The following PLXNA2 variants were observed in gnomAD, a reference collection of about 807,000 sequenced individuals.
PLXNA2 encodes the protein plexin A2.
Under a neutral mutation model 193.5 loss-of-function variants are expected in PLXNA2, and 91 were observed. The ratio of observed to expected loss-of-function variants is 0.47; its 90% CI spans 0.40 to 0.56. The LOEUF (loss-of-function observed/expected upper bound fraction) is 0.56. Among genes scored for constraint, PLXNA2 ranks in the 20% least tolerant of loss-of-function variants. The pLI, the probability that PLXNA2 is intolerant of heterozygous loss-of-function variation, is 0.00. For missense variants in PLXNA2, 1,995 were observed against 2,503.2 expected, an observed-to-expected ratio of 0.80 and a Z score of 4.33; for synonymous variants, 997 against 1,027.3, an observed-to-expected ratio of 0.97 and a Z score of 0.56.
rs146570184 is a variant in PLXNA2, at chr1:208,033,423, C to T, written c.4951G>A (p.Val1651Met). Residue 1651 changes from valine to methionine, a missense_variant, in exon 28 of 32, where the codon GTG becomes ATG. Transcript: ENST00000367033. ...TCATGGTTCTTCACCAGATGCCACACCTTGACCCCACTTTCCAGGTCTGGG... is the reference window on the plus strand; with the variant it reads ...TCATGGTTCTTCACCAGATGCCACATCTTGACCCCACTTTCCAGGTCTGGG... ...ITPDLESGVK[V>M]WHLVKNHDHG... 992 of 1,614,174 alleles carry T rather than the reference C, an allele frequency of 6.1e-4. 7 individuals are homozygous for T. In the Admixed American group the frequency reaches 0.015, roughly 25 times the overall value.
Position 208,040,623 on chromosome 1 carries a change from C to G in PLXNA2, c.4287-565G>C, listed in dbSNP as rs138456808. Among the ~76,000 whole-genome samples, 366 of 152,344 alleles carry G rather than the reference C, an allele frequency of 2.4e-3. 3 individuals carry two copies. Among genetic ancestry groups the G allele is most frequent in the African/African-American group, 8.5e-3 (354 of 41,566 alleles). On this transcript the variant is annotated intron_variant, in intron 22 of 31. Transcript: ENST00000367033. ...ACCTCTCTGGTTTCAGTATTCCTAT[C>G]ACTAAATGGAGACAGTCATAATAAC...
At chr1:208,075,661 T>G (rs1419530006) in intron 12 of PLXNA2, among the ~76,000 whole-genome samples, 2 of 152,254 alleles carry the variant, frequency 1.3e-5, no homozygotes, top group South Asian at 4.1e-4. Context: ...AATTATTACT[T>G]GTGTACTGTG....
At chr1:208,090,062 C>T (rs1435407683) in intron 9 of PLXNA2, among the ~76,000 whole-genome samples, 3 of 152,174 alleles carry the variant, frequency 2.0e-5, no homozygotes, top group Non-Finnish European at 4.4e-5. Context: ...AGAGCCAAAG[C>T]AGTATTTTAG....
chr1:208,041,801 C>A (rs1426883956), intron 22 of PLXNA2, among the ~76,000 whole-genome samples: 1 of 152,212 alleles, frequency 6.6e-6, no homozygotes, highest in Non-Finnish European at 1.5e-5. Flanking sequence ...AGAGTGGTTA[C>A]AACACTGGCC....
Position 208,216,926 on chromosome 1 carries a change from C to G in PLXNA2, c.997G>C (p.Asp333His). ...AQAFNITSQDDVLFAIFSKGQ... is the reference protein window; with the variant it reads ...AQAFNITSQDHVLFAIFSKGQ... Reference sequence around the variant, plus strand: ...TTGGAGAAGATGGCAAAGAGTACATCGTCCTGGCTGGTGATATTGAAGGCC... The same window carrying G: ...TTGGAGAAGATGGCAAAGAGTACATGGTCCTGGCTGGTGATATTGAAGGCC... Residue 333 changes from aspartate (D) to histidine (H), a missense_variant, in exon 2 of 32, where the codon GAT (aspartate) becomes CAT (histidine). Around this residue, in one of 3 missense-constraint regions of PLXNA2, gnomAD observed 702 missense variants for 812.9 expected, o/e 0.86. Coordinates refer to ENST00000367033, the MANE Select transcript of PLXNA2 (RefSeq NM_025179.4). The G allele has an allele frequency of 6.2e-7, 1 of 1,614,198 alleles. No homozygotes were observed. The highest frequency in any genetic ancestry group is 1.3e-5 in the African/African-American group (1 of 75,054).
chr1:208,060,393 C>G (rs1220072737), intron 13 of PLXNA2, among the ~76,000 whole-genome samples: 37 of 152,076 alleles, frequency 2.4e-4, no homozygotes, highest in Admixed American at 2.4e-3. Flanking sequence ...TGGGGGAGAC[C>G]TAGGAGGAAA....
intron 4 of PLXNA2, among the ~76,000 whole-genome samples, chr1:208,124,061 C>T (rs1259488510): frequency 6.6e-6 from 1 of 152,264 alleles, no homozygotes; most frequent in African/African-American, 2.4e-5. Flanking sequence ...AGTCTAGGGC[C>T]ACTGGTAAAG....
At chr1:208,169,882 A>C (rs1669436281) in intron 3 of PLXNA2, among the ~76,000 whole-genome samples, 2 of 152,182 alleles carry the variant, frequency 1.3e-5, no homozygotes, top group African/African-American at 4.8e-5. Context: ...TAAAATCTGT[A>C]TTGACTATTA....
chr1:208,095,984 C>T, intron 8 of PLXNA2, 45 bp downstream of exon 8: 1 of 1,447,132 alleles, frequency 6.9e-7, no homozygotes, highest in Non-Finnish European at 9.7e-7. Flanking sequence ...AAAGCCCATA[C>T]CCACATCCAG....
At chr1:208,111,882 A>C (rs145362681) in intron 4 of PLXNA2, among the ~76,000 whole-genome samples, 2 of 152,076 alleles carry the variant, frequency 1.3e-5, no homozygotes, top group African/African-American at 2.4e-5. Flanking sequence ...AGGCACAAAA[A>C]CCCCAGAAAA....
intron 11 of PLXNA2, among the ~76,000 whole-genome samples, chr1:208,081,421 TA>T (rs1302660112): frequency 3.3e-5 from 5 of 152,184 alleles, no homozygotes; most frequent in African/African-American, 1.2e-4. Context: ...CAACCCTAGC[TA>T]CTTGAAGTGT....
chr1:208,210,113 GAAGCT>G, intron 3 of PLXNA2, 162 bp downstream of exon 3: 1 of 664,478 alleles, frequency 1.5e-6, no homozygotes, highest in Non-Finnish European at 2.7e-6. Context: ...GAAGTAGCTA[GAAGCT>G]AAGTCACAAA....
chr1:208,039,067 T>G, intron 24 of PLXNA2, 83 bp from the exon 25 acceptor site: 17 of 1,297,418 alleles, frequency 1.3e-5, no homozygotes, highest in Non-Finnish European at 1.8e-5. Context: ...AGAATCTTCT[T>G]TTTCCAAAGT....
At chr1:208,071,425 G>A (rs146304470) in intron 12 of PLXNA2, among the ~76,000 whole-genome samples, 53 of 152,342 alleles carry the variant, frequency 3.5e-4, no homozygotes, top group African/African-American at 1.2e-3. Context: ...CTTCGTGGCT[G>A]CACATTTTCA....
Position 208,069,820 on chromosome 1 carries a change from G to C in PLXNA2, c.2587-8983C>G, listed in dbSNP as rs1021427904. Reference sequence around the variant, plus strand: ...GCCAGAAGCAGGGCTTCAGCTCCAAGGTATTGAAGATTCTGAGAATGATGG... The same window carrying C: ...GCCAGAAGCAGGGCTTCAGCTCCAACGTATTGAAGATTCTGAGAATGATGG... On this transcript the variant is annotated intron_variant, in intron 12 of 31. Coordinates refer to ENST00000367033, the MANE Select transcript of PLXNA2 (RefSeq NM_025179.4). 5.9e-5 allele frequency among the ~76,000 whole-genome samples: 9 copies of C among 152,178 alleles called. No individual in the cohort carries two copies. The East Asian group carries it at 1.5e-3, about 26-fold the overall frequency.
rs1303960573 is a variant in PLXNA2 at position 208,096,610 on chromosome 1, T to A, written c.1885+120A>T. 3 of 1,189,224 alleles carry A rather than the reference T, an allele frequency of 2.5e-6. No homozygotes were observed. In the African/African-American group the frequency reaches 4.6e-5, roughly 18 times the overall value. The allele number at this position is 1,189,224 out of a possible 1,614,324, so 73.7% of individuals were successfully genotyped here. ...CAGTTTGCTTTCAAACGTAAACAAG[T>A]TGTCTAAGCCAATATTAGTATCTGG... On this transcript the variant is annotated intron_variant, in intron 7 of 31. Transcript: ENST00000367033.
At chr1:208,163,029 C>T (rs780171316) in intron 3 of PLXNA2, among the ~76,000 whole-genome samples, 1 of 152,162 alleles carries the variant, frequency 6.6e-6, no homozygotes, top group Non-Finnish European at 1.5e-5. Flanking sequence ...GGACAGGGCA[C>T]TTCATCAGGC....
chr1:208,206,110 T>C lies in PLXNA2; in HGVS notation c.1371+4170A>G, dbSNP rs1302409074. Among the ~76,000 whole-genome samples, 3 of 152,184 alleles carry C rather than the reference T, an allele frequency of 2.0e-5. No individual in the cohort carries two copies. The East Asian group carries it at 5.8e-4, about 29-fold the overall frequency. On this transcript the variant is annotated intron_variant, in intron 3 of 31. Transcript: ENST00000367033. ...AAGCTCTTCAATAGCATGTGACACA[T>C]AATAAGTGCTCAGTAAATTATGTTA...
In PLXNA2 at chr1:208,027,311, G is replaced by C; in HGVS notation, c.5617C>G (p.Gln1873Glu). Residue 1873 changes from glutamine (Q) to glutamate (E), a missense_variant, in exon 32 of 32, where the codon CAG (glutamine) becomes GAG (glutamate). Coordinates refer to ENST00000367033, the MANE Select transcript of PLXNA2 (RefSeq NM_025179.4). The part of the protein sequence containing the change: ...ELIGALEQDE[Q>E]ARRQRLAYKV... Reference sequence around the variant, plus strand: ...TAAGCCAGCCGCTGCCGCCGTGCCTGCTCATCCTGCTCTAGGGCCCCGATG... The same window carrying C: ...TAAGCCAGCCGCTGCCGCCGTGCCTCCTCATCCTGCTCTAGGGCCCCGATG... 6.2e-7 allele frequency: 1 copy of C among 1,613,308 alleles called. No individual in the cohort carries two copies. Among genetic ancestry groups the C allele is most frequent in the Non-Finnish European group, 8.5e-7 (1 of 1,179,974 alleles).
Sources: allele counts gnomAD v4.1 joint callset (sites outside exome capture counted in the v4.1 genomes callset), GRCh38; gene constraint gnomAD v4.1.1; regional missense constraint gnomAD v4.1.1; transcripts MANE v1.5; gene names NCBI Gene and HGNC (gene_info 2026-07-23, HGNC 2026-07-21).